Variants in C3orf52 observed in about 807,000 individuals in gnomAD.
The protein encoded by C3orf52 is chromosome 3 open reading frame 52.
In C3orf52, 22 loss-of-function variants were observed where a neutral mutation model predicts 24.8. That is an observed-to-expected ratio of 0.89 (90% CI 0.63 to 1.27). The LOEUF is 1.27. C3orf52 is among the 50% of genes most tolerant of loss of function. C3orf52 has a pLI of 0.00. For missense variants in C3orf52, 265 were observed against 260.7 expected (o/e 1.02, Z -0.11); for synonymous variants, 93 against 100.2 (o/e 0.93, Z 0.43).
At position 112,107,579 on chromosome 3, in the gene C3orf52, G is replaced by A. The variant is rs141228875; in HGVS notation, c.397-1964G>A. ...ATATATATCAATTTCTTCTTCACTG[G>A]GTAGTGTGGTCAGATGGGAAGAAGC... On this transcript the variant is annotated intron_variant, in intron 3 of 5. Coordinates refer to ENST00000264848, the MANE Select transcript of C3orf52 (RefSeq NM_024616.3). Among the ~76,000 whole-genome samples the A allele has an allele frequency of 2.0e-5, 3 of 152,220 alleles. No individual in the cohort carries two copies. The East Asian group carries it at 5.8e-4, about 29-fold the overall frequency.
intron 4 of C3orf52, among the ~76,000 whole-genome samples, chr3:112,110,800 A>G (rs917653920): frequency 2.6e-5 from 4 of 152,198 alleles, no homozygotes; most frequent in Non-Finnish European, 4.4e-5. Context: ...TAATATTAGC[A>G]GACCTGGGAG....
chr3:112,095,807 G>A (rs953617545), intron 2 of C3orf52, among the ~76,000 whole-genome samples: 18 of 147,886 alleles, frequency 1.2e-4, no homozygotes, highest in African/African-American at 3.7e-4. Context: ...GATACAGTAG[G>A]TTAAAAGGGG....
chr3:112,098,665 G>T (rs2073946671), intron 2 of C3orf52, among the ~76,000 whole-genome samples: 1 of 152,158 alleles, frequency 6.6e-6, no homozygotes, highest in African/African-American at 2.4e-5. Flanking sequence ...ATACATAACA[G>T]AAATTTATTG....
At chr3:112,121,986 T>A (rs1371066278), downstream of C3orf52, 1 of 152,230 alleles carries the variant, frequency 6.6e-6, no homozygotes, top group Non-Finnish European at 1.5e-5. Flanking sequence ...TAAAACAAAC[T>A]ATTTTAGCAT....
intron 2 of C3orf52, among the ~76,000 whole-genome samples, chr3:112,095,176 A>G (rs1293708796): frequency 6.6e-6 from 1 of 152,192 alleles, no homozygotes; most frequent in Non-Finnish European, 1.5e-5. Context: ...CTGTTTGAGG[A>G]TATAAGCTGG....
intron 3 of C3orf52, among the ~76,000 whole-genome samples, chr3:112,107,266 T>C (rs9880044): frequency 0.067 from 10,256 of 152,204 alleles, 515 homozygotes; most frequent in African/African-American, 0.14. Context: ...AAATATCACC[T>C]TTGCCATAGG....
intron 3 of C3orf52, among the ~76,000 whole-genome samples, chr3:112,105,334 C>T (rs2074013211): frequency 6.6e-6 from 1 of 152,174 alleles, no homozygotes; most frequent in Admixed American, 6.5e-5. Context: ...GATTCCTGCC[C>T]TTCATTCGTC....
At chr3:112,093,574 C>T in intron 2 of C3orf52, 85 bp downstream of exon 2, 1 of 1,252,682 alleles carries the variant, frequency 8.0e-7, no homozygotes, top group Non-Finnish European at 1.1e-6. Flanking sequence ...AAGATGTACT[C>T]ATAGCCATTT....
At chr3:112,122,573 G>T (rs2074220619), downstream of C3orf52, 1 of 152,118 alleles carries the variant, frequency 6.6e-6, no homozygotes, top group African/African-American at 2.4e-5. Flanking sequence ...TTTTATACAT[G>T]ACATTATTAA....
At chr3:112,115,280 A>G (rs751146365) in intron 5 of C3orf52, among the ~76,000 whole-genome samples, 2 of 152,230 alleles carry the variant, frequency 1.3e-5, no homozygotes, top group Non-Finnish European at 2.9e-5. Flanking sequence ...AGAGGGACTC[A>G]TCGCAGGCAT....
At chr3:112,091,391 G>C (rs1410575407) in intron 1 of C3orf52, among the ~76,000 whole-genome samples, 3 of 152,238 alleles carry the variant, frequency 2.0e-5, no homozygotes, top group Non-Finnish European at 4.4e-5. Flanking sequence ...GGCAACAGCA[G>C]ATGGGCTATG....
chr3:112,114,824 T>G (rs2074120708), intron 5 of C3orf52, among the ~76,000 whole-genome samples: 2 of 152,126 alleles, frequency 1.3e-5, no homozygotes, highest in Non-Finnish European at 2.9e-5. Flanking sequence ...TTGCAAAAAT[T>G]GTTACTGGCT....
intron 1 of C3orf52, among the ~76,000 whole-genome samples, chr3:112,087,328 T>A (rs549907235): frequency 1.3e-5 from 2 of 152,350 alleles, no homozygotes; most frequent in East Asian, 3.9e-4. Flanking sequence ...CAAGCTCTTT[T>A]CTGATTCATC....
In C3orf52 at chr3:112,108,861, AAGAG is replaced by A. The variant is rs2074051864; in HGVS notation, c.397-675_397-672del. On this transcript the variant is annotated intron_variant, in intron 3 of 5. Transcript: ENST00000264848. ...TTCAGAATGATGGTTAGTATTAAGAAAGAGAGAGAGGAGGAACTGAATAGTATGT... is the reference window on the plus strand; with the variant it reads ...TTCAGAATGATGGTTAGTATTAAGAAAGAGAGGAGGAACTGAATAGTATGT... Among the ~76,000 whole-genome samples the A allele has an allele frequency of 2.6e-5, 4 of 152,300 alleles. No individual in the cohort carries two copies. In the South Asian group the frequency reaches 8.3e-4, roughly 32 times the overall value.
downstream of C3orf52, among the ~76,000 whole-genome samples, chr3:112,135,590 A>T (rs1319715294): frequency 6.6e-6 from 1 of 151,078 alleles, no homozygotes; most frequent in African/African-American, 2.4e-5. Flanking sequence ...ATTATAAAAG[A>T]TAAGCCATTA....
chr3:112,125,184 C>G, intron 4 of C3orf52: 1 of 1,341,914 alleles, frequency 7.5e-7, no homozygotes, highest in South Asian at 1.2e-5. Flanking sequence ...GTCTGTACTT[C>G]TATCATCATC....
intron 4 of C3orf52, chr3:112,125,125 T>C (rs1213987311): frequency 2.5e-6 from 2 of 790,792 alleles, no homozygotes; most frequent in East Asian, 4.9e-5. Flanking sequence ...TTTCTCCATG[T>C]AAGGGTCAGA....
intron 4 of C3orf52, among the ~76,000 whole-genome samples, chr3:112,110,117 G>A (rs2074064676): frequency 6.6e-6 from 1 of 152,092 alleles, no homozygotes; most frequent in Admixed American, 6.5e-5. Flanking sequence ...ATCACTTGAG[G>A]TCAGGAGTTC....
At chr3:112,094,054 G>A (rs1336751411) in intron 2 of C3orf52, among the ~76,000 whole-genome samples, 1 of 152,046 alleles carries the variant, frequency 6.6e-6, no homozygotes, top group Non-Finnish European at 1.5e-5. Context: ...GAGTGCAGTG[G>A]CACGACTTTG....
Sources: allele counts gnomAD v4.1 joint callset (sites outside exome capture counted in the v4.1 genomes callset), GRCh38; gene constraint gnomAD v4.1.1; transcripts MANE v1.5; gene names NCBI Gene and HGNC (gene_info 2026-07-23, HGNC 2026-07-21).